The following PXT1 variants were observed in gnomAD, a reference collection of about 807,000 sequenced individuals.
The protein encoded by PXT1 is peroxisomal testis enriched protein 1.
PXT1 carries 11 observed loss-of-function variants against 11.0 expected under a neutral mutation model. The observed-to-expected ratio is 1.00, with a 90% CI of 0.63 to 1.66. The LOEUF (loss-of-function observed/expected upper bound fraction) is 1.66, where lower values mean the gene tolerates loss of function less well. Among genes scored for constraint, PXT1 ranks in the 40% most tolerant of loss-of-function variants. PXT1 has a pLI of 0.00. For synonymous variants in PXT1, 43 were observed against 51.4 expected, an observed-to-expected ratio of 0.84 and a Z score of 0.70; for missense variants, 141 against 155.5, an observed-to-expected ratio of 0.91 and a Z score of 0.49.
chr6:36,391,926 T>G (rs747239342), intron 4 of PXT1, 52 bp from the exon 5 acceptor site: 3 of 1,089,712 alleles, frequency 2.8e-6, no homozygotes, highest in African/African-American at 1.6e-5. Flanking sequence ...TTTTTAAAAG[T>G]GATAGAATAA....
intron 2 of PXT1, among the ~76,000 whole-genome samples, chr6:36,429,161 G>C (rs1247564647): frequency 7.2e-6 from 1 of 139,052 alleles, no homozygotes; most frequent in Non-Finnish European, 1.6e-5. Context: ...AGCTACTCAG[G>C]AAGCTGAGGT....
chr6:36,429,320 C>T (rs1374892872), intron 2 of PXT1, among the ~76,000 whole-genome samples: 2 of 8,212 alleles, frequency 2.4e-4, no homozygotes, highest in Non-Finnish European at 5.3e-4. Context: ...GTTGGCCCTA[C>T]CTGAAAATAT....
At chr6:36,437,262 G>C (rs996063665) in intron 2 of PXT1, among the ~76,000 whole-genome samples, 1 of 150,866 alleles carries the variant, frequency 6.6e-6, no homozygotes, top group African/African-American at 2.4e-5. Context: ...ACTCCAGCCT[G>C]AGCGACAGAG....
intron 3 of PXT1, among the ~76,000 whole-genome samples, chr6:36,416,590 C>T (rs1372202466): frequency 1.3e-5 from 2 of 152,180 alleles, no homozygotes; most frequent in African/African-American, 2.4e-5. Context: ...CTTAGGTAAG[C>T]CTCAACTTCT....
At chr6:36,432,856 TGAAAA>T (rs148956458) in intron 2 of PXT1, among the ~76,000 whole-genome samples, 2,074 of 151,498 alleles carry the variant, frequency 0.014, 44 homozygotes, top group African/African-American at 0.045. Context: ...GACATATTAC[TGAAAA>T]GAAAACACCC....
intron 4 of PXT1, among the ~76,000 whole-genome samples, chr6:36,393,903 C>T (rs1038333052): frequency 1.3e-5 from 2 of 151,700 alleles, no homozygotes; most frequent in Admixed American, 6.6e-5. Context: ...CTTAAAAACT[C>T]CGTGAGATCA....
chr6:36,435,622 T>C (rs1198959953), intron 2 of PXT1, among the ~76,000 whole-genome samples: 2 of 151,784 alleles, frequency 1.3e-5, no homozygotes, highest in African/African-American at 2.4e-5. Flanking sequence ...GAACAAAATA[T>C]GTCTCCAGGA....
At chr6:36,399,585 G>A (rs1300738341) in intron 4 of PXT1, among the ~76,000 whole-genome samples, 1 of 152,206 alleles carries the variant, frequency 6.6e-6, no homozygotes, top group Non-Finnish European at 1.5e-5. Context: ...CCTGTGGCAT[G>A]CATGGTGGAG....
chr6:36,433,837 A>AAAAG (rs1554155714), intron 2 of PXT1, among the ~76,000 whole-genome samples: 1,924 of 132,814 alleles, frequency 0.014, 115 homozygotes, highest in African/African-American at 0.042. Flanking sequence ...AAAAAAAAAA[A>AAAAG]AAAGAAAAGA....
At chr6:36,411,164 C>T (rs1168155576) in intron 3 of PXT1, among the ~76,000 whole-genome samples, 1 of 152,068 alleles carries the variant, frequency 6.6e-6, no homozygotes, top group African/African-American at 2.4e-5. Context: ...AATGAAATAC[C>T]ATGGCTGGGC....
intron 3 of PXT1, among the ~76,000 whole-genome samples, chr6:36,411,361 G>C (rs982586315): frequency 6.6e-6 from 1 of 152,188 alleles, no homozygotes; most frequent in Middle Eastern, 3.2e-3. Flanking sequence ...TGAGGCAGGA[G>C]AATCGCTTGA....
intron 3 of PXT1, among the ~76,000 whole-genome samples, chr6:36,402,320 G>C (rs1181487748): frequency 6.6e-6 from 1 of 152,132 alleles, no homozygotes. Flanking sequence ...AGTGCTTTAG[G>C]ACTACAGAAG....
chr6:36,391,590 C>T lies in PXT1; in HGVS notation c.*180G>A, dbSNP rs867175798. The T allele has an allele frequency of 6.4e-6, 4 of 622,372 alleles. No individual in the cohort carries two copies. The highest frequency in any genetic ancestry group is 5.6e-5 in the South Asian group (3 of 53,750). 38.6% of individuals were successfully genotyped at this position (622,372 alleles called of 1,614,324 possible). Reference sequence around the variant, plus strand: ...GCAGACATCTCATAGCTAGCTCCTCCGAAGAGACAAATGGCTCGTGAACCC... The same window carrying T: ...GCAGACATCTCATAGCTAGCTCCTCTGAAGAGACAAATGGCTCGTGAACCC... On this transcript the variant is annotated 3_prime_UTR_variant, in exon 5 of 5. Transcript: ENST00000454782.
intron 2 of PXT1, among the ~76,000 whole-genome samples, chr6:36,436,618 C>A (rs765250121): frequency 1.3e-5 from 2 of 151,954 alleles, no homozygotes; most frequent in African/African-American, 2.4e-5. Context: ...ATGATGAGTT[C>A]AATTTTGGAT....
chr6:36,423,459 T>C (rs80331350), intron 3 of PXT1, among the ~76,000 whole-genome samples: 9,126 of 152,260 alleles, frequency 0.06, 621 homozygotes, highest in Admixed American at 0.17. Context: ...GGGCCAGCTG[T>C]GGCCAATGGG....
chr6:36,422,830 C>A (rs936131085), intron 3 of PXT1, among the ~76,000 whole-genome samples: 18 of 152,188 alleles, frequency 1.2e-4, no homozygotes, highest in African/African-American at 3.6e-4. Flanking sequence ...CACATGCACA[C>A]GCATTTATTT....
At chr6:36,424,252 C>G (rs182671371) in intron 3 of PXT1, among the ~76,000 whole-genome samples, 19 of 152,276 alleles carry the variant, frequency 1.2e-4, no homozygotes, top group Admixed American at 1.0e-3. Flanking sequence ...AAGTGAATTA[C>G]GTCTCTTAAA....
intron 3 of PXT1, among the ~76,000 whole-genome samples, chr6:36,412,591 C>T (rs969071847): frequency 8.6e-5 from 13 of 150,444 alleles, no homozygotes; most frequent in African/African-American, 2.9e-4. Flanking sequence ...ACCTGGAAGG[C>T]GGAGGTTGCA....
chr6:36,441,856 G>A (rs1224961709), intron 1 of PXT1, among the ~76,000 whole-genome samples: 2 of 141,788 alleles, frequency 1.4e-5, no homozygotes, highest in African/African-American at 5.6e-5. Flanking sequence ...TCCGTTAACC[G>A]TGTGAAACCT....
Sources: gnomAD v4.1 joint callset for allele counts (sites outside exome capture counted in the v4.1 genomes callset) on GRCh38, gnomAD v4.1.1 for gene constraint, MANE v1.5 for transcripts, NCBI Gene and HGNC (gene_info 2026-07-23, HGNC 2026-07-21) for gene names.